The following CNGB1 variants were observed in gnomAD, a reference collection of about 807,000 sequenced individuals.
CNGB1 encodes the protein cyclic nucleotide gated channel subunit beta 1, also known as cyclic nucleotide-gated channel beta-1.
A neutral mutation model predicts 151.7 loss-of-function variants in CNGB1; 126 were observed. The observed-to-expected ratio is 0.83, with a 90% CI of 0.72 to 0.96. CNGB1 has a LOEUF of 0.96. Ranked by LOEUF, CNGB1 falls within the 40% of genes least tolerant of loss-of-function variation. The pLI is 0.00. For missense variants in CNGB1, 1,698 were observed against 1,627.0 expected (o/e 1.04, Z -0.75); for synonymous variants, 623 against 635.1 (o/e 0.98, Z 0.29).
rs544336455 is a variant in CNGB1 at position 57,903,971 on chromosome 16, A to G, written c.2645T>C (p.Val882Ala). The change falls in exon 27 of 33, where the codon GTG becomes GCG. Residue 882 changes from valine (V) to alanine (A), a missense_variant. Val to Ala is a moderately conservative substitution (Grantham distance 64, BLOSUM62 0). Transcript: ENST00000251102. ...FSVMIGQMRD[V>A]VGAATAGQTY... ...CTGTCCGGCGGTGGCGGCCCCTACC[A>G]CATCTCTCATCTGGGGGAAGGGTTA... 4 of 1,613,676 alleles carry G rather than the reference A, an allele frequency of 2.5e-6. No individual in the cohort carries two copies. In the South Asian group the frequency reaches 4.4e-5, roughly 18 times the overall value.
intron 15 of CNGB1, 72 bp downstream of exon 15, chr16:57,940,162 G>A (rs1961626984): frequency 6.3e-6 from 9 of 1,419,808 alleles, no homozygotes; most frequent in Non-Finnish European, 7.8e-6. Context: ...TAAGCAAAGT[G>A]GACAAGGTCC....
intron 16 of CNGB1, among the ~76,000 whole-genome samples, chr16:57,935,019 C>A (rs1961469072): frequency 6.7e-6 from 1 of 150,250 alleles, no homozygotes. Context: ...GCACTCCAGC[C>A]TGGGCAACAG....
At chr16:57,897,355 G>T in intron 31 of CNGB1, 42 bp downstream of exon 31, 27 of 1,522,862 alleles carry the variant, frequency 1.8e-5, no homozygotes, top group Non-Finnish European at 2.4e-5. Flanking sequence ...GAAATTCATT[G>T]TCCTTAGCAA....
intron 31 of CNGB1, among the ~76,000 whole-genome samples, chr16:57,889,673 T>A (rs781198667): frequency 7.2e-5 from 11 of 152,322 alleles, no homozygotes; most frequent in South Asian, 4.1e-4. Context: ...ACAATCCCCA[T>A]AAGTAGGTCT....
intron 1 of CNGB1, among the ~76,000 whole-genome samples, chr16:57,968,063 A>T (rs1343871314): frequency 6.6e-6 from 1 of 152,238 alleles, no homozygotes; most frequent in African/African-American, 2.4e-5. Context: ...TTGAGCTAGC[A>T]AGAAGATGTG....
intron 14 of CNGB1, 39 bp downstream of exon 14, chr16:57,949,314 C>A (rs149492378): frequency 1.2e-6 from 2 of 1,603,422 alleles, no homozygotes; most frequent in Non-Finnish European, 8.5e-7. Context: ...CCAACCCCAG[C>A]CCCAGGGCCG....
chr16:57,904,736 G>A lies in CNGB1; in HGVS notation c.2632C>T (p.Gln878Ter). The A allele has an allele frequency of 6.2e-7, 1 of 1,614,116 alleles. No individual in the cohort carries two copies. The highest frequency in any genetic ancestry group is 8.5e-7 in the Non-Finnish European group (1 of 1,180,026). ...AAGCTGGGCTGGTGCCCCGATACCT[G>A]TCCGATCATCACAGAGAAAGCAAAG... ...GVFAFSVMIG[Q>*]MRDVVGAATA... Residue 878 changes from glutamine (Q) to a stop codon, truncating the protein, a stop_gained and splice_region_variant, in exon 26 of 33, where the codon CAG (glutamine) becomes TAG (stop). Coordinates refer to ENST00000251102, the MANE Select transcript of CNGB1 (RefSeq NM_001297.5). LOFTEE classifies it high-confidence loss of function.
At chr16:57,965,163 A>G (rs1962359652) in intron 2 of CNGB1, among the ~76,000 whole-genome samples, 1 of 152,224 alleles carries the variant, frequency 6.6e-6, no homozygotes, top group South Asian at 2.1e-4. Flanking sequence ...CAGACATACA[A>G]TGTGAGCATA....
chr16:57,920,084 C>T (rs1406967923), intron 19 of CNGB1, among the ~76,000 whole-genome samples: 1 of 152,144 alleles, frequency 6.6e-6, no homozygotes, highest in Non-Finnish European at 1.5e-5. Context: ...CCATAAGATA[C>T]ATTTTGGGGT....
intron 15 of CNGB1, among the ~76,000 whole-genome samples, chr16:57,939,828 G>T (rs1961615171): frequency 6.6e-6 from 1 of 152,218 alleles, no homozygotes; most frequent in Admixed American, 6.5e-5. Flanking sequence ...TGTCACCTGT[G>T]ATGAGGGACA....
intron 12 of CNGB1, chr16:57,954,565 C>T: frequency 1.7e-6 from 1 of 571,594 alleles, no homozygotes; most frequent in South Asian, 7.6e-5. Flanking sequence ...TAATTCCTCT[C>T]CTCCTGCAAC....
chr16:57,945,122 T>C (rs1419031844), intron 14 of CNGB1, among the ~76,000 whole-genome samples: 4 of 152,010 alleles, frequency 2.6e-5, no homozygotes, highest in African/African-American at 7.2e-5. Context: ...CAATCCACGG[T>C]CATACCGCCT....
intron 17 of CNGB1, among the ~76,000 whole-genome samples, chr16:57,925,718 CGCTCTGTT>C (rs1479352741): frequency 6.6e-6 from 1 of 151,714 alleles, no homozygotes. Context: ...GATGGAGTCT[CGCTCTGTT>C]GCCCTGGCTG....
At chr16:57,907,181 G>A (rs1428363471) in intron 25 of CNGB1, among the ~76,000 whole-genome samples, 1 of 152,150 alleles carries the variant, frequency 6.6e-6, no homozygotes, top group Non-Finnish European at 1.5e-5. Flanking sequence ...TGCAGAAGGA[G>A]GTCCCAGATA....
chr16:57,923,327 G>C lies in CNGB1; in HGVS notation c.1589C>G (p.Pro530Arg), dbSNP rs201553871. The C allele has an allele frequency of 1.2e-4, 189 of 1,613,634 alleles. No individual in the cohort carries two copies. The East Asian group carries it at 4.0e-3, about 34-fold the overall frequency. The change falls in exon 18 of 33, where the codon CCA becomes CGA. Residue 530 changes from proline to arginine, a missense_variant. By Grantham distance (103) the Pro-to-Arg change is moderately radical. Coordinates refer to ENST00000251102, the MANE Select transcript of CNGB1 (RefSeq NM_001297.5). ...DEAEELKALS[P>R]AESPVVAWSD... ...CCAGGCAACCACTGGGGACTCTGCT[G>C]GTGACAACGCCTTGAGCTCTTCAGC...
rs780961773 is a variant in CNGB1, at chr16:57,919,107, G to A, written c.1949C>T (p.Pro650Leu). 1.7e-5 allele frequency: 28 copies of A among 1,614,064 alleles called. No individual in the cohort carries two copies. Among genetic ancestry groups the A allele is most frequent in the South Asian group, 6.6e-5 (6 of 91,090 alleles). The change falls in exon 20 of 33, where the codon CCG (proline) becomes CTG (leucine). Residue 650 changes from proline (P) to leucine (L), a missense_variant. Coordinates refer to ENST00000251102, the MANE Select transcript of CNGB1 (RefSeq NM_001297.5). ...KKYQFPQSIDPLTNLMYVLWL... is the reference protein window; with the variant it reads ...KKYQFPQSIDLLTNLMYVLWL... ...CATTCCCCAGGACTCACTGGTCAGCGGGTCAATGCTCTGGGGAAACTGGTA... is the reference window on the plus strand; with the variant it reads ...CATTCCCCAGGACTCACTGGTCAGCAGGTCAATGCTCTGGGGAAACTGGTA...
intron 26 of CNGB1, 101 bp from the exon 27 acceptor site, chr16:57,904,082 A>C: frequency 4.6e-6 from 5 of 1,079,812 alleles, no homozygotes; most frequent in East Asian, 2.6e-5. Context: ...GACCACGGGC[A>C]TGTGCTCCTG....
intron 1 of CNGB1, among the ~76,000 whole-genome samples, chr16:57,968,728 A>C (rs1196830147): frequency 6.6e-6 from 1 of 152,006 alleles, no homozygotes; most frequent in Non-Finnish European, 1.5e-5. Flanking sequence ...TCATTTTTTA[A>C]TTTTTAAGAT....
chr16:57,908,420 T>G (rs1462438704), intron 25 of CNGB1, among the ~76,000 whole-genome samples: 1 of 152,256 alleles, frequency 6.6e-6, no homozygotes, highest in Non-Finnish European at 1.5e-5. Context: ...GTGTCACTAG[T>G]GGGCACAGCC....
Sources: gnomAD v4.1 joint callset for allele counts (sites outside exome capture counted in the v4.1 genomes callset) on GRCh38, gnomAD v4.1.1 for gene constraint, MANE v1.5 for transcripts, NCBI Gene and HGNC (gene_info 2026-07-23, HGNC 2026-07-21) for gene names.